The following DLC1 variants were observed in gnomAD, a reference collection of about 807,000 sequenced individuals.
DLC1 encodes the protein rho GTPase-activating protein 7.
Under a neutral mutation model 140.3 loss-of-function variants are expected in DLC1, and 54 were observed. The ratio of observed to expected loss-of-function variants is 0.38; its 90% CI spans 0.31 to 0.48. The LOEUF is 0.48. Among genes scored for constraint, DLC1 ranks in the 20% least tolerant of loss-of-function variants. The pLI is 0.96. For missense variants in DLC1, 2,536 were observed against 1,907.0 expected (o/e 1.33, Z -6.14); for synonymous variants, 986 against 728.1 (o/e 1.35, Z -5.70).
intron 1 of DLC1, among the ~76,000 whole-genome samples, chr8:13,502,775 A>G (rs181532617): frequency 1.2e-3 from 184 of 152,320 alleles, no homozygotes; most frequent in African/African-American, 4.2e-3. Context: ...TTTCTTTTGT[A>G]ATCCTATTCA....
intron 5 of DLC1, among the ~76,000 whole-genome samples, chr8:13,188,419 C>CAAAAAAAAAAAAAAAAAAAAAAAA (rs1178090798): frequency 1.7e-5 from 1 of 58,996 alleles, no homozygotes; most frequent in African/African-American, 6.8e-5. Flanking sequence ...GACTCCGTCT[C>CAAAAAAAAAAAAAAAAAAAAAAAA]AAAAAAAAAA....
At chr8:13,438,498 C>A (rs1839222486) in intron 2 of DLC1, among the ~76,000 whole-genome samples, 1 of 152,060 alleles carries the variant, frequency 6.6e-6, no homozygotes, top group South Asian at 2.1e-4. Flanking sequence ...CAGAATAATT[C>A]AACGCCTTCC....
chr8:13,342,550 G>T (rs1161344905), intron 4 of DLC1: 1 of 152,204 alleles, frequency 6.6e-6, no homozygotes, highest in African/African-American at 2.4e-5. Context: ...AAGGCCTTAA[G>T]AGGAAAGACT....
chr8:13,580,722 T>G (rs7820521), intron 1 of DLC1, among the ~76,000 whole-genome samples: 34,941 of 152,204 alleles, frequency 0.23, 4,231 homozygotes, highest in Admixed American at 0.25. Flanking sequence ...TTTAAGATCC[T>G]ATTTTAATTT....
intron 10 of DLC1, 111 bp from the exon 11 acceptor site, chr8:13,095,356 G>T: frequency 2.3e-6 from 3 of 1,323,808 alleles, no homozygotes; most frequent in South Asian, 1.4e-5. Context: ...GTGCTAATAC[G>T]GTGGCTACTT....
intron 5 of DLC1, among the ~76,000 whole-genome samples, chr8:13,254,207 G>C (rs1295366462): frequency 1.4e-5 from 2 of 141,914 alleles, no homozygotes; most frequent in Non-Finnish European, 3.1e-5. Context: ...ATAAAGAAAA[G>C]AACAAAAAGC....
chr8:13,444,757 A>G (rs1585119239), intron 2 of DLC1, among the ~76,000 whole-genome samples: 2 of 152,192 alleles, frequency 1.3e-5, no homozygotes, highest in East Asian at 1.9e-4. Context: ...CCATGTTAGA[A>G]GAGATTCAGG....
At chr8:13,217,508 T>C (rs928486640) in intron 5 of DLC1, among the ~76,000 whole-genome samples, 1 of 152,116 alleles carries the variant, frequency 6.6e-6, no homozygotes, top group Non-Finnish European at 1.5e-5. Flanking sequence ...TGTGAACATT[T>C]TGAGGGAAGA....
At chr8:13,501,718 G>A (rs546984221) in intron 1 of DLC1, among the ~76,000 whole-genome samples, 35 of 152,262 alleles carry the variant, frequency 2.3e-4, no homozygotes, top group African/African-American at 5.3e-4. Flanking sequence ...ATACTATTTG[G>A]TTCCCTCAGA....
chr8:13,201,921 G>GTTTTTTT (rs35475930), intron 5 of DLC1, among the ~76,000 whole-genome samples: 1 of 101,802 alleles, frequency 9.8e-6, no homozygotes, highest in East Asian at 2.8e-4. Flanking sequence ...TACCCAAAAG[G>GTTTTTTT]TTTTTTTTTT....
chr8:13,595,351 A>G (rs751727599), intron 1 of DLC1, among the ~76,000 whole-genome samples: 1 of 152,064 alleles, frequency 6.6e-6, no homozygotes, highest in Non-Finnish European at 1.5e-5. Flanking sequence ...TGTCTTACCA[A>G]CATCAGTGAG....
At chr8:13,167,748 A>T (rs977554193) in intron 5 of DLC1, among the ~76,000 whole-genome samples, 1 of 152,224 alleles carries the variant, frequency 6.6e-6, no homozygotes, top group African/African-American at 2.4e-5. Context: ...AACAGTATTT[A>T]TTTGATCCAT....
Position 13,184,129 on chromosome 8 carries a change from G to T in DLC1, c.1349-68472C>A, listed in dbSNP as rs576864158. Among the ~76,000 whole-genome samples the T allele has an allele frequency of 5.3e-5, 8 of 152,178 alleles. No homozygotes were observed. The South Asian group carries it at 1.5e-3, about 28-fold the overall frequency. ...GAGGTGTTAATAGTATTCTCTGATG[G>T]TAGTTTTTATTTCTATGGGATTGGT... is the stretch of plus-strand genomic sequence containing the variant. On this transcript the variant is annotated intron_variant, in intron 5 of 17. Coordinates refer to ENST00000276297, the MANE Select transcript of DLC1 (RefSeq NM_182643.3).
chr8:13,567,508 T>C (rs1342091634), intron 1 of DLC1: 3 of 1,551,938 alleles, frequency 1.9e-6, no homozygotes, highest in Admixed American at 3.9e-5. Flanking sequence ...CGATGAACTT[T>C]TGAACAGAAT....
intron 5 of DLC1, among the ~76,000 whole-genome samples, chr8:13,126,365 CCATACA>C: frequency 9.4e-6 from 1 of 106,578 alleles, no homozygotes; most frequent in African/African-American, 5.2e-5. Flanking sequence ...ATCTCTCTAT[CCATACA>C]CACACACACA....
intron 4 of DLC1, among the ~76,000 whole-genome samples, chr8:13,359,100 G>A (rs1208149885): frequency 1.3e-5 from 2 of 152,028 alleles, no homozygotes; most frequent in Non-Finnish European, 2.9e-5. Context: ...CACCACGCCC[G>A]GCTAATTTTT....
intron 5 of DLC1, among the ~76,000 whole-genome samples, chr8:13,192,092 A>G (rs1826789866): frequency 3.3e-5 from 5 of 151,838 alleles, no homozygotes; most frequent in Admixed American, 3.3e-4. Flanking sequence ...GATTACAGGC[A>G]CATGCCACCG....
rs188785551 is a variant in DLC1 at position 13,115,445 on chromosome 8, G to A, written c.1420+141C>T. On this transcript the variant is annotated intron_variant, in intron 6 of 17. Transcript: ENST00000276297. Reference sequence around the variant, plus strand: ...CTAGCTTTTGTTTTCAGCGGTGGGGGTCTTGCATGCTTACAACATTTTTTT... The same window carrying A: ...CTAGCTTTTGTTTTCAGCGGTGGGGATCTTGCATGCTTACAACATTTTTTT... 14 of 771,960 alleles carry A rather than the reference G, an allele frequency of 1.8e-5. No homozygotes were observed. The East Asian group carries it at 4.1e-4, about 23-fold the overall frequency. 47.8% of individuals were successfully genotyped at this position (771,960 alleles called of 1,614,324 possible).
At chr8:13,108,091 G>A (rs1050120159) in intron 7 of DLC1, among the ~76,000 whole-genome samples, 2 of 152,024 alleles carry the variant, frequency 1.3e-5, no homozygotes, top group African/African-American at 2.4e-5. Context: ...AAATACACCC[G>A]ATAGAGGTCC....
Sources: allele counts gnomAD v4.1 joint callset (sites outside exome capture counted in the v4.1 genomes callset), GRCh38; gene constraint gnomAD v4.1.1; transcripts MANE v1.5; gene names NCBI Gene and HGNC (gene_info 2026-07-23, HGNC 2026-07-21).